The following ARHGAP32 variants were observed in gnomAD, a reference collection of about 807,000 sequenced individuals.
ARHGAP32 encodes the protein Rho GTPase activating protein 32.
ARHGAP32 carries 51 observed loss-of-function variants against 186.5 expected under a neutral mutation model. The observed-to-expected ratio is 0.27, with a 90% CI of 0.22 to 0.35. The LOEUF (loss-of-function observed/expected upper bound fraction) is 0.35. Ranked by LOEUF, ARHGAP32 falls within the 10% of genes least tolerant of loss-of-function variation. ARHGAP32 has a pLI of 1.00. For missense variants in ARHGAP32, 2,186 were observed against 2,623.5 expected, an observed-to-expected ratio of 0.83 and a Z score of 3.64; for synonymous variants, 950 against 964.3, an observed-to-expected ratio of 0.99 and a Z score of 0.27.
At position 129,029,801 on chromosome 11, in the gene ARHGAP32, CAAAAAAAA is replaced by C. The variant is rs34762356; in HGVS notation, c.1045+11119_1045+11126del. ...TGGGGGACAGAGGGAGACTCCGTCTCAAAAAAAAAAAAAAAAAAAAAAAAACGGGTAGG... is the reference window on the plus strand; with the variant it reads ...TGGGGGACAGAGGGAGACTCCGTCTCAAAAAAAAAAAAAAAAACGGGTAGG... On this transcript the variant is annotated intron_variant, in intron 11 of 22. Transcript: ENST00000682385. Among the ~76,000 whole-genome samples, 7 of 46,946 alleles carry C rather than the reference CAAAAAAAA, an allele frequency of 1.5e-4. No individual in the cohort carries two copies. In the East Asian group the frequency reaches 2.4e-3, roughly 16 times the overall value. 30.8% of individuals were successfully genotyped at this position (46,946 alleles called of 152,430 possible). A position where few individuals can be genotyped will look rare whatever the true frequency, so the allele number is the denominator to read the frequency against.
chr11:129,058,419 T>C (rs1348310837), intron 10 of ARHGAP32, among the ~76,000 whole-genome samples: 2 of 152,030 alleles, frequency 1.3e-5, no homozygotes, highest in African/African-American at 4.8e-5. Flanking sequence ...CTAACAGGAG[T>C]CATGAAAAAT....
chr11:129,029,145 C>T (rs1591545826), intron 11 of ARHGAP32, among the ~76,000 whole-genome samples: 1 of 152,112 alleles, frequency 6.6e-6, no homozygotes, highest in East Asian at 1.9e-4. Context: ...TCTCTTTAAC[C>T]TCAATTCAGC....
intron 10 of ARHGAP32, among the ~76,000 whole-genome samples, chr11:129,042,414 A>G (rs993668684): frequency 6.6e-6 from 1 of 152,210 alleles, no homozygotes; most frequent in African/African-American, 2.4e-5. Flanking sequence ...GCCTTCCAAA[A>G]TGATGCTTTA....
chr11:129,049,953 AACTG>A (rs1418996914), intron 10 of ARHGAP32, among the ~76,000 whole-genome samples: 2 of 152,224 alleles, frequency 1.3e-5, no homozygotes, highest in African/African-American at 4.8e-5. Flanking sequence ...GGAAACTGTG[AACTG>A]ACTTACTCTG....
intron 1 of ARHGAP32, among the ~76,000 whole-genome samples, chr11:129,256,239 T>C (rs1207985051): frequency 2.0e-5 from 3 of 152,150 alleles, no homozygotes; most frequent in East Asian, 1.9e-4. Flanking sequence ...TGAGAAGTCA[T>C]AGAGTTGAAT....
chr11:129,219,150 C>T (rs544168399), intron 1 of ARHGAP32, among the ~76,000 whole-genome samples: 32 of 152,264 alleles, frequency 2.1e-4, no homozygotes, highest in Admixed American at 6.5e-5. Context: ...AGAACCTGAT[C>T]GCTGACTTTT....
intron 1 of ARHGAP32, among the ~76,000 whole-genome samples, chr11:129,253,684 C>T (rs1271256550): frequency 6.6e-6 from 1 of 152,052 alleles, no homozygotes; most frequent in South Asian, 2.1e-4. Context: ...AGTACAAGTA[C>T]AATATGTTTA....
intron 1 of ARHGAP32, among the ~76,000 whole-genome samples, chr11:129,227,487 A>G (rs917724058): frequency 4.1e-5 from 6 of 145,812 alleles, no homozygotes; most frequent in Non-Finnish European, 7.6e-5. Flanking sequence ...AAAAAAAAAA[A>G]CTGAACTAAA....
At chr11:128,976,794 A>G (rs1035173935) in intron 19 of ARHGAP32, among the ~76,000 whole-genome samples, 160 bp from the exon 20 acceptor site, 1 of 152,184 alleles carries the variant, frequency 6.6e-6, no homozygotes, top group African/African-American at 2.4e-5. Flanking sequence ...TATACTGCAC[A>G]TTTTGACAGC....
Position 128,970,822 on chromosome 11 carries a change from G to A in ARHGAP32, c.4391C>T (p.Ser1464Phe). 1 of 1,614,196 alleles carries A rather than the reference G, an allele frequency of 6.2e-7. No homozygotes were observed. Among genetic ancestry groups the A allele is most frequent in the Non-Finnish European group, 8.5e-7 (1 of 1,179,988 alleles). ...TGGTAAAGGCAATGCATCGTCCACA[G>A]AGGTGGATGAAGCAGTGACAAAGGA... ...YHSFVTASSTSVDDALPLPLP... is the reference protein window; with the variant it reads ...YHSFVTASSTFVDDALPLPLP... The change falls in exon 23 of 23, where the codon TCT becomes TTT. Residue 1464 changes from serine to phenylalanine, a missense_variant. Ser to Phe is a radical substitution (Grantham distance 155). This residue lies in a region of ARHGAP32 where 1,502 missense variants were observed against 1,570.0 expected (regional missense o/e 0.96). Transcript: ENST00000682385. The surrounding 1 kb of genome is among the most constrained non-coding windows in gnomAD (Gnocchi z 5.8).
intron 10 of ARHGAP32, among the ~76,000 whole-genome samples, chr11:129,045,557 A>G (rs943040822): frequency 1.3e-5 from 2 of 152,242 alleles, no homozygotes; most frequent in Non-Finnish European, 2.9e-5. Context: ...TAACTTTAAA[A>G]GTACAGTTAA....
rs71057930 is a variant in ARHGAP32 at position 129,191,670 on chromosome 11, G to GCACACA, written c.116+407_116+412dup. 2.8e-4 allele frequency among the ~76,000 whole-genome samples: 42 copies of GCACACA among 148,058 alleles called. 1 individual carries two copies. Among genetic ancestry groups the GCACACA allele is most frequent in the South Asian group, 8.7e-4 (4 of 4,624 alleles). On this transcript the variant is annotated intron_variant, in intron 1 of 22. Coordinates refer to ENST00000682385, the MANE Select transcript of ARHGAP32 (RefSeq NM_001378024.1). ...ACAAAGCAGGCAGGCAGGCAGGCAC[G>GCACACA]CACACACACACACACACACACACAC...
In ARHGAP32 at chr11:128,966,563, A is replaced by AT. The variant is rs1945226549; in HGVS notation, c.*2343dup. 6.6e-6 allele frequency: 1 copy of AT among 152,236 alleles called. No individual in the cohort carries two copies. The highest frequency in any genetic ancestry group is 6.5e-5 in the Admixed American group (1 of 15,284). The allele number at this position is 152,236 out of a possible 1,614,324, so 9.4% of individuals were successfully genotyped here. On this transcript the variant is annotated 3_prime_UTR_variant, in exon 23 of 23. Transcript: ENST00000682385. ...CATTCTGTATTCAAATATTTACCTG[A>AT]TATTTCTAAACCCACAGGACATTTA... is the stretch of plus-strand genomic sequence containing the variant.
chr11:129,211,153 T>C (rs1012539950), intron 1 of ARHGAP32, among the ~76,000 whole-genome samples: 2 of 152,204 alleles, frequency 1.3e-5, no homozygotes, highest in African/African-American at 2.4e-5. Flanking sequence ...AATATTTCTT[T>C]ACTTATTAGG....
intron 6 of ARHGAP32, among the ~76,000 whole-genome samples, chr11:129,070,390 T>G (rs527324950): frequency 6.6e-6 from 1 of 152,042 alleles, no homozygotes; most frequent in Non-Finnish European, 1.5e-5. Context: ...GCATGGAGTA[T>G]AGCAGGCAAA....
intron 1 of ARHGAP32, among the ~76,000 whole-genome samples, chr11:129,187,955 T>C (rs1418651643): frequency 6.6e-6 from 1 of 152,070 alleles, no homozygotes; most frequent in Non-Finnish European, 1.5e-5. Flanking sequence ...TTTTTGTTTG[T>C]TGAGGTTTGT....
intron 1 of ARHGAP32, among the ~76,000 whole-genome samples, chr11:129,203,375 CA>C (rs938366247): frequency 6.6e-6 from 1 of 151,960 alleles, no homozygotes; most frequent in East Asian, 1.9e-4. Flanking sequence ...TAAACAATAA[CA>C]AAAAACACCA....
At chr11:129,077,975 C>CT (rs1226268710) in intron 6 of ARHGAP32, among the ~76,000 whole-genome samples, 5 of 152,210 alleles carry the variant, frequency 3.3e-5, no homozygotes, top group African/African-American at 1.2e-4. Flanking sequence ...GGACCTGAGT[C>CT]TGTCCACCTG....
intron 3 of ARHGAP32, among the ~76,000 whole-genome samples, chr11:129,124,524 G>C (rs1238297651): frequency 2.0e-5 from 3 of 152,040 alleles, no homozygotes; most frequent in Admixed American, 6.6e-5. Context: ...CATGCACTAA[G>C]GGTACCAAGA....
Sources: gnomAD v4.1 joint callset for allele counts (sites outside exome capture counted in the v4.1 genomes callset) on GRCh38, gnomAD v4.1.1 for gene constraint, gnomAD v4.1.1 regional missense constraint, Gnocchi (gnomAD v3.1) non-coding constraint, MANE v1.5 for transcripts, NCBI Gene and HGNC (gene_info 2026-07-23, HGNC 2026-07-21) for gene names.